VCAN: variants seen among roughly 807,000 people sequenced by gnomAD.
The protein encoded by VCAN is versican.
VCAN carries 44 observed loss-of-function variants against 245.5 expected under a neutral mutation model. The ratio of observed to expected loss-of-function variants is 0.18; its 90% CI spans 0.14 to 0.23. VCAN has a LOEUF of 0.23. Among genes scored for constraint, VCAN ranks in the 10% least tolerant of loss-of-function variants. The pLI is 1.00. For synonymous variants in VCAN, 1,413 were observed against 1,437.0 expected (o/e 0.98, Z 0.38); for missense variants, 3,793 against 4,057.9 (o/e 0.93, Z 1.77).
At chr5:83,483,100 T>C (rs1744666781) in intron 1 of VCAN, among the ~76,000 whole-genome samples, 1 of 152,220 alleles carries the variant, frequency 6.6e-6, no homozygotes, top group Non-Finnish European at 1.5e-5. Flanking sequence ...CTTGCTCTAT[T>C]TATGATCAGC....
chr5:83,478,907 T>G (rs1287714224), intron 1 of VCAN, among the ~76,000 whole-genome samples: 1 of 151,794 alleles, frequency 6.6e-6, no homozygotes, highest in Non-Finnish European at 1.5e-5. Flanking sequence ...AGGATGAAAA[T>G]AGAGCATGGG....
rs781418554 is a variant in VCAN, at chr5:83,520,387, T to C, written c.2081T>C (p.Met694Thr). The change falls in exon 7 of 15, where the codon ATG becomes ACG. Residue 694 changes from methionine (M) to threonine (T), a missense_variant. This residue lies in a region of VCAN where 3,182 missense variants were observed against 3,250.3 expected (regional missense o/e 0.98). Coordinates refer to ENST00000265077, the MANE Select transcript of VCAN (RefSeq NM_004385.5). ...AGAACAGAAACACTAATACCAGAGA[T>C]GAGAACAGATACTTATACAGATGAA... ...RERTETLIPE[M>T]RTDTYTDEIQ... 3 of 1,612,712 alleles carry C rather than the reference T, an allele frequency of 1.9e-6. No individual in the cohort carries two copies. Among genetic ancestry groups the C allele is most frequent in the Non-Finnish European group, 2.5e-6 (3 of 1,179,616 alleles).
In VCAN at chr5:83,537,611, T is replaced by C. The variant is rs780934384; in HGVS notation, c.4608T>C (p.His1536=). Residue 1536 remains histidine (H), a synonymous_variant, in exon 8 of 15, where the codon CAT becomes CAC. Coordinates refer to ENST00000265077, the MANE Select transcript of VCAN (RefSeq NM_004385.5). ...AAGTTGGTCATCAGGCACATGAACA[T>C]ACTGAACCTGTATCTCTGTTTCCTG... The part of the protein sequence containing the change: ...DTEVGHQAHE[H]TEPVSLFPEE... 8 of 1,613,704 alleles carry C rather than the reference T, an allele frequency of 5.0e-6. No individual in the cohort carries two copies. The East Asian group carries it at 1.3e-4, about 27-fold the overall frequency.
chr5:83,518,590 T>C (rs1011728961), intron 6 of VCAN, among the ~76,000 whole-genome samples: 18 of 152,078 alleles, frequency 1.2e-4, no homozygotes, highest in Non-Finnish European at 2.1e-4. Context: ...GTGTAGAACA[T>C]AGAACAAAAT....
chr5:83,509,227 TA>T (rs1745577130), intron 5 of VCAN, among the ~76,000 whole-genome samples: 1 of 152,226 alleles, frequency 6.6e-6, no homozygotes, highest in Admixed American at 6.5e-5. Context: ...ACAAGTGAGT[TA>T]AATAATTGAT....
In VCAN at chr5:83,537,896, A is replaced by G; in HGVS notation, c.4893A>G (p.Ser1631=). ...CTCCTAGACAAGTTGTAGAGCTCTCAGGGAGTTCTTCGATTCCAATTACAG... is the reference window on the plus strand; with the variant it reads ...CTCCTAGACAAGTTGTAGAGCTCTCGGGGAGTTCTTCGATTCCAATTACAG... The part of the protein sequence containing the change: ...EATPRQVVEL[S]GSSSIPITEG... Residue 1631 remains serine, a synonymous_variant, in exon 8 of 15, where the codon TCA becomes TCG. Coordinates refer to ENST00000265077, the MANE Select transcript of VCAN (RefSeq NM_004385.5). 1.9e-6 allele frequency: 3 copies of G among 1,614,022 alleles called. No homozygotes were observed. Among genetic ancestry groups the G allele is most frequent in the Non-Finnish European group, 2.5e-6 (3 of 1,179,970 alleles).
In VCAN at chr5:83,520,972, C is replaced by T. The variant is rs149153726; in HGVS notation, c.2666C>T (p.Thr889Ile). The T allele has an allele frequency of 2.5e-4, 403 of 1,614,082 alleles. 2 individuals carry two copies. The African/African-American group carries it at 4.8e-3, about 19-fold the overall frequency. ...FTIRFQPTTS[T>I]GIAEKSTLRD... ...ATTAGATTTCAGCCAACTACATCAACTGGTATTGCAGAAAAGTCAACTTTG... is the reference window on the plus strand; with the variant it reads ...ATTAGATTTCAGCCAACTACATCAATTGGTATTGCAGAAAAGTCAACTTTG... The change falls in exon 7 of 15, where the codon ACT becomes ATT. Residue 889 changes from threonine to isoleucine, a missense_variant. Physicochemically the swap from Thr to Ile is moderately conservative, Grantham distance 89 (BLOSUM62 -1). Coordinates refer to ENST00000265077, the MANE Select transcript of VCAN (RefSeq NM_004385.5).
intron 12 of VCAN, among the ~76,000 whole-genome samples, chr5:83,563,204 A>G (rs576326581): frequency 6.6e-6 from 1 of 152,314 alleles, no homozygotes; most frequent in East Asian, 1.9e-4. Context: ...TTCAACTAAA[A>G]GACAGCAGCA....
rs753575324 is a variant in VCAN at position 83,580,296 on chromosome 5, C to T, written c.10064-11C>T. 3.1e-6 allele frequency: 5 copies of T among 1,613,612 alleles called. No individual in the cohort carries two copies. Among genetic ancestry groups the T allele is most frequent in the Non-Finnish European group, 3.4e-6 (4 of 1,179,954 alleles). ...TGTGTTTTCTTTTTTTCTTTCTTTC[C>T]TTCCATGTAGCATCTGCATACCAAA... On this transcript the variant is annotated splice_polypyrimidine_tract_variant and intron_variant, in intron 14 of 14. Transcript: ENST00000265077.
At position 83,580,901 on chromosome 5, in the gene VCAN, GTT is replaced by G. The variant is rs2112512221; in HGVS notation, c.*469_*470del. 4.8e-6 allele frequency: 1 copy of G among 208,848 alleles called. No individual in the cohort carries two copies. The highest frequency in any genetic ancestry group is 7.7e-5 in the South Asian group (1 of 12,994). 12.9% of individuals were successfully genotyped at this position (208,848 alleles called of 1,614,324 possible). ...TCATTGGTTCGGCTGCTTTTATGTA[GTT>G]TAGGCTGGAAATGGTTTCACTTGCT... On this transcript the variant is annotated 3_prime_UTR_variant, in exon 15 of 15. Coordinates refer to ENST00000265077, the MANE Select transcript of VCAN (RefSeq NM_004385.5).
chr5:83,574,321 A>T (rs867683298), intron 13 of VCAN, among the ~76,000 whole-genome samples: 1 of 152,204 alleles, frequency 6.6e-6, no homozygotes, highest in Non-Finnish European at 1.5e-5. Context: ...TAATCCAGTC[A>T]TGTTGACACC....
intron 12 of VCAN, among the ~76,000 whole-genome samples, chr5:83,559,594 C>G (rs1747792646): frequency 6.6e-6 from 1 of 152,044 alleles, no homozygotes; most frequent in Non-Finnish European, 1.5e-5. Flanking sequence ...CCCTGCATAG[C>G]CAAGGGTCTC....
intron 7 of VCAN, among the ~76,000 whole-genome samples, chr5:83,533,886 C>T (rs1463300950): frequency 6.6e-6 from 1 of 151,968 alleles, no homozygotes; most frequent in African/African-American, 2.4e-5. Flanking sequence ...TTAATTGGAG[C>T]TAAAATCAGA....
At chr5:83,515,824 A>G (rs1745825615) in intron 6 of VCAN, among the ~76,000 whole-genome samples, 1 of 152,236 alleles carries the variant, frequency 6.6e-6, no homozygotes, top group East Asian at 1.9e-4. Flanking sequence ...GCCCTAGTTC[A>G]TAATCTGACC....
At position 83,539,091 on chromosome 5, in the gene VCAN, G is replaced by A. The variant is rs150331976; in HGVS notation, c.6088G>A (p.Val2030Met). ...TGTTGTTCCAGTGCTTCCCAGTGCT[G>A]TGCAAAAGTTTTCTGGTACAGCTTC... The part of the protein sequence containing the change: ...SSVVPVLPSA[V>M]QKFSGTASSI... Residue 2030 changes from valine to methionine, a missense_variant, in exon 8 of 15, where the codon GTG (valine) becomes ATG (methionine). Transcript: ENST00000265077. 103 of 1,613,872 alleles carry A rather than the reference G, an allele frequency of 6.4e-5. No individual in the cohort carries two copies. The highest frequency in any genetic ancestry group is 8.0e-5 in the Non-Finnish European group (94 of 1,179,974).
intron 12 of VCAN, among the ~76,000 whole-genome samples, chr5:83,567,420 C>T (rs1251135287): frequency 1.3e-5 from 2 of 152,050 alleles, no homozygotes; most frequent in Admixed American, 1.3e-4. Context: ...CCTGCCTCAG[C>T]CTCCCGAGTA....
intron 10 of VCAN, among the ~76,000 whole-genome samples, chr5:83,549,739 G>A (rs963583992): frequency 6.6e-6 from 1 of 152,104 alleles, no homozygotes; most frequent in Non-Finnish European, 1.5e-5. Context: ...GTATTTTCAA[G>A]CAAGTTTGAT....
chr5:83,530,244 T>A lies in VCAN; in HGVS notation c.4004-6763T>A, dbSNP rs561636666. 2.6e-5 allele frequency among the ~76,000 whole-genome samples: 4 copies of A among 152,248 alleles called. No homozygotes were observed. In the South Asian group the frequency reaches 6.2e-4, roughly 24 times the overall value. ...CAATTTAATTTTTTTCTCATAAACA[T>A]CATTTTACAAATTCTTGATACATTT... On this transcript the variant is annotated intron_variant, in intron 7 of 14. Coordinates refer to ENST00000265077, the MANE Select transcript of VCAN (RefSeq NM_004385.5).
At chr5:83,556,861 G>T (rs964021405) in intron 12 of VCAN, among the ~76,000 whole-genome samples, 2 of 152,090 alleles carry the variant, frequency 1.3e-5, no homozygotes, top group African/African-American at 2.4e-5. Context: ...TACAGTGAAT[G>T]CATTTAATGA....
Sources: allele counts gnomAD v4.1 joint callset (sites outside exome capture counted in the v4.1 genomes callset), GRCh38; gene constraint gnomAD v4.1.1; regional missense constraint gnomAD v4.1.1; transcripts MANE v1.5; gene names NCBI Gene and HGNC (gene_info 2026-07-23, HGNC 2026-07-21).